FARP2: variants seen among roughly 807,000 people sequenced by gnomAD.
The protein encoded by FARP2 is FERM, ARH/RhoGEF and pleckstrin domain protein 2.
FARP2 carries 111 observed loss-of-function variants against 130.5 expected under a neutral mutation model. That is an observed-to-expected ratio of 0.85 (90% confidence interval 0.73 to 1.00). The LOEUF is 1.00. Ranked by LOEUF, FARP2 falls within the 50% of genes least tolerant of loss-of-function variation. The probability of loss-of-function intolerance (pLI) is 0.00; values close to 1 mark genes in which losing one functional copy is unlikely to be tolerated. For synonymous variants in FARP2, 504 were observed against 516.9 expected, an observed-to-expected ratio of 0.98 and a Z score of 0.34; for missense variants, 1,385 against 1,346.3, an observed-to-expected ratio of 1.03 and a Z score of -0.45.
chr2:241,455,237 G>A (rs538153385), intron 13 of FARP2, among the ~76,000 whole-genome samples: 1 of 152,338 alleles, frequency 6.6e-6, no homozygotes, highest in Admixed American at 6.5e-5. Context: ...AGTCACCATG[G>A]TGTGGCATTT....
At chr2:241,406,502 A>G (rs1440335440) in intron 4 of FARP2, among the ~76,000 whole-genome samples, 1 of 151,846 alleles carries the variant, frequency 6.6e-6, no homozygotes, top group Non-Finnish European at 1.5e-5. Context: ...CCTGGAGTGC[A>G]GTGGTGTGAT....
chr2:241,390,190 T>C (rs1324961591), intron 2 of FARP2, among the ~76,000 whole-genome samples: 2 of 152,206 alleles, frequency 1.3e-5, no homozygotes, highest in Non-Finnish European at 2.9e-5. Flanking sequence ...TCTGTCCCTA[T>C]TGCTAGTGGT....
chr2:241,435,007 A>G lies in FARP2; in HGVS notation c.1077A>G (p.Gly359=). Reference sequence around the variant, plus strand: ...TAGTAGATTATTTCAAAGACAGTGGAATGAAGAGAATTCCATATGAAAGGT... The same window carrying G: ...TAGTAGATTATTTCAAAGACAGTGGGATGAAGAGAATTCCATATGAAAGGT... ...KQLVDYFKDS[G]MKRIPYERRH... The change falls in exon 11 of 27, where the codon GGA becomes GGG. Residue 359 remains glycine, a synonymous_variant. Transcript: ENST00000264042. The G allele has an allele frequency of 6.3e-7, 1 of 1,594,444 alleles. No homozygotes were observed. Among genetic ancestry groups the G allele is most frequent in the Non-Finnish European group, 8.6e-7 (1 of 1,165,484 alleles).
At chr2:241,362,331 T>C (rs1238408951) in intron 1 of FARP2, among the ~76,000 whole-genome samples, 2 of 151,142 alleles carry the variant, frequency 1.3e-5, no homozygotes, top group Non-Finnish European at 2.9e-5. Context: ...TGGCCAGGCG[T>C]GGTGGCTCAT....
At chr2:241,450,233 T>C (rs1190073298) in intron 13 of FARP2, among the ~76,000 whole-genome samples, 1 of 151,762 alleles carries the variant, frequency 6.6e-6, no homozygotes, top group East Asian at 1.9e-4. Context: ...CACAGTGACA[T>C]GTGCCTGTGA....
chr2:241,448,273 A>T (rs2063558323), intron 13 of FARP2, among the ~76,000 whole-genome samples: 1 of 152,040 alleles, frequency 6.6e-6, no homozygotes, highest in Admixed American at 6.5e-5. Context: ...CTGCCTAAGG[A>T]TGAAGTGGGA....
In FARP2 at chr2:241,407,553, G is replaced by A; in HGVS notation, c.348G>A (p.Val116=). The A allele has an allele frequency of 6.2e-7, 1 of 1,613,996 alleles. No individual in the cohort carries two copies. Among genetic ancestry groups the A allele is most frequent in the South Asian group, 1.1e-5 (1 of 91,078 alleles). The change falls in exon 5 of 27, where the codon GTG becomes GTA. Residue 116 remains valine, a synonymous_variant. Transcript: ENST00000264042. ...IRQIRRPKNV[V]LRLAVKFFPP... ...TTGTTATAGGGCCAAAGAATGTGGTGCTTCGCCTAGCTGTAAAATTTTTTC... is the reference window on the plus strand; with the variant it reads ...TTGTTATAGGGCCAAAGAATGTGGTACTTCGCCTAGCTGTAAAATTTTTTC...
At chr2:241,479,002 G>A in intron 19 of FARP2, 1 of 506,968 alleles carries the variant, frequency 2.0e-6, no homozygotes, top group South Asian at 2.6e-5. Context: ...GAGGGACACA[G>A]TATTGACAGC....
In FARP2 at chr2:241,417,972, C is replaced by A; in HGVS notation, c.634C>A (p.Pro212Thr). The A allele has an allele frequency of 6.2e-7, 1 of 1,614,190 alleles. No individual in the cohort carries two copies. The highest frequency in any genetic ancestry group is 8.5e-7 in the Non-Finnish European group (1 of 1,180,032). Residue 212 changes from proline (P) to threonine (T), a missense_variant, in exon 8 of 27, where the codon CCT (proline) becomes ACT (threonine). Pro to Thr is a conservative substitution (Grantham distance 38). Transcript: ENST00000264042. ...CATTTTTTATTACAGGGGCCAGACA[C>A]CTGCTGAGTCGGATTTCCAGGTGCT... ...EFHQKHVGQT[P>T]AESDFQVLEI...
chr2:241,484,019 C>G, intron 20 of FARP2: 2 of 1,347,412 alleles, frequency 1.5e-6, no homozygotes, highest in Non-Finnish European at 1.9e-6. Flanking sequence ...CTCAGCCAAG[C>G]TAGCTGGGAG....
At chr2:241,444,842 A>T (rs1017328489) in intron 13 of FARP2, 1 of 152,174 alleles carries the variant, frequency 6.6e-6, no homozygotes, top group East Asian at 1.9e-4. Context: ...AACCCGCATC[A>T]CCTCAAATTC....
chr2:241,423,049 A>G (rs911343549), intron 8 of FARP2, among the ~76,000 whole-genome samples: 2 of 152,218 alleles, frequency 1.3e-5, no homozygotes, highest in Admixed American at 6.5e-5. Context: ...TTGGGATATC[A>G]TCCAGGAGAA....
intron 8 of FARP2, among the ~76,000 whole-genome samples, chr2:241,421,085 C>T (rs930920172): frequency 4.6e-5 from 7 of 152,144 alleles, no homozygotes; most frequent in Non-Finnish European, 1.0e-4. Context: ...GCCAAAGGAA[C>T]CCCCATCCCC....
intron 1 of FARP2, among the ~76,000 whole-genome samples, chr2:241,367,695 A>AT (rs1469137720): frequency 1.3e-5 from 2 of 151,904 alleles, no homozygotes; most frequent in African/African-American, 2.4e-5. Context: ...AGGAAAGGTG[A>AT]TTTTTTTTAA....
Position 241,489,947 on chromosome 2 carries a change from T to C in FARP2, c.2422-15T>C, listed in dbSNP as rs372326481. On this transcript the variant is annotated splice_polypyrimidine_tract_variant and intron_variant, in intron 21 of 26. Coordinates refer to ENST00000264042, the MANE Select transcript of FARP2 (RefSeq NM_014808.4). ...TTCTTGGCCACAAGACTTGGACCGT[T>C]TCTCCCACCCACAGGTGGAAGAAAG... The C allele has an allele frequency of 1.1e-4, 171 of 1,590,856 alleles. No homozygotes were observed. Among genetic ancestry groups the C allele is most frequent in the Non-Finnish European group, 1.4e-4 (159 of 1,158,960 alleles).
chr2:241,360,745 A>G (rs1338991351), intron 1 of FARP2, among the ~76,000 whole-genome samples: 1 of 152,180 alleles, frequency 6.6e-6, no homozygotes, highest in Non-Finnish European at 1.5e-5. Context: ...GAATAATGCA[A>G]ATGGCTAAAT....
intron 7 of FARP2, among the ~76,000 whole-genome samples, chr2:241,414,157 C>T (rs779774745): frequency 1.2e-4 from 19 of 152,048 alleles, no homozygotes; most frequent in Non-Finnish European, 2.2e-4. Context: ...CATTGGGAAT[C>T]GCCTGGCACC....
At chr2:241,456,525 A>C in intron 13 of FARP2, 1 of 536,488 alleles carries the variant, frequency 1.9e-6, no homozygotes, top group South Asian at 2.3e-5. Flanking sequence ...CTGTCTGTGG[A>C]TTGCTCTCTG....
In FARP2 at chr2:241,381,404, G is replaced by A. The variant is rs145988100; in HGVS notation, c.183+8114G>A. Among the ~76,000 whole-genome samples the A allele has an allele frequency of 3.2e-4, 49 of 152,220 alleles. No homozygotes were observed. In the East Asian group the frequency reaches 7.5e-3, roughly 23 times the overall value. ...GAGAAGAGTTCACAGGCTCTGGAGC[G>A]TGGACTTCCCACCTGAGCTCCCCTC... is the stretch of plus-strand genomic sequence containing the variant. On this transcript the variant is annotated intron_variant, in intron 2 of 26. Transcript: ENST00000264042.
Sources: gnomAD v4.1 joint callset for allele counts (sites outside exome capture counted in the v4.1 genomes callset) on GRCh38, gnomAD v4.1.1 for gene constraint, MANE v1.5 for transcripts, NCBI Gene and HGNC (gene_info 2026-07-23, HGNC 2026-07-21) for gene names.